The following MED26 variants were observed in gnomAD, a reference collection of about 807,000 sequenced individuals.
MED26 encodes mediator of RNA polymerase II transcription subunit 26.
MED26 carries 7 observed loss-of-function variants against 43.7 expected under a neutral mutation model. The observed-to-expected ratio is 0.16, with a 90% CI of 0.09 to 0.30. The LOEUF (loss-of-function observed/expected upper bound fraction) is 0.30, where lower values mean the gene tolerates loss of function less well. Ranked by LOEUF, MED26 falls within the 10% of genes least tolerant of loss-of-function variation. MED26 has a pLI of 1.00. For missense variants in MED26, 784 were observed against 840.6 expected (o/e 0.93, Z 0.83); for synonymous variants, 375 against 371.1 (o/e 1.01, Z -0.12).
At chr19:16,579,031 G>A (rs2086029423) in intron 1 of MED26, among the ~76,000 whole-genome samples, 1 of 152,158 alleles carries the variant, frequency 6.6e-6, no homozygotes, top group Non-Finnish European at 1.5e-5. Context: ...AACCCGGGAG[G>A]CGGAGGGTGT....
intron 1 of MED26, among the ~76,000 whole-genome samples, chr19:16,612,457 G>A (rs1162062265): frequency 4.0e-5 from 6 of 151,244 alleles, no homozygotes; most frequent in Non-Finnish European, 8.9e-5. Context: ...CCTAATGTTT[G>A]TGATTTCTAC....
chr19:16,590,469 T>C (rs1297132967), intron 1 of MED26, among the ~76,000 whole-genome samples: 1 of 152,234 alleles, frequency 6.6e-6, no homozygotes, highest in African/African-American at 2.4e-5. Flanking sequence ...TACTCCTAGT[T>C]TGCTGAGAGG....
chr19:16,577,133 G>T lies in MED26; in HGVS notation c.697C>A (p.Pro233Thr). ...VNAVRPHTSS[P>T]GLGKPPGPCL... is the part of the protein sequence containing the mutation. ...GGTCCAGGGGGCTTGCCCAGGCCCGGGGAGCTGGTGTGCGGTCGCACGGCG... is the reference window on the plus strand; with the variant it reads ...GGTCCAGGGGGCTTGCCCAGGCCCGTGGAGCTGGTGTGCGGTCGCACGGCG... Residue 233 changes from proline to threonine, a missense_variant, in exon 3 of 3, where the codon CCG becomes ACG. By Grantham distance (38) the Pro-to-Thr change is conservative. Around this residue, in one of 3 missense-constraint regions of MED26, gnomAD observed 719 missense variants for 730.9 expected, o/e 0.98. Transcript: ENST00000263390. The surrounding 1 kb of genome is among the most constrained non-coding windows in gnomAD (Gnocchi z 8.1). 1 of 1,613,282 alleles carries T rather than the reference G, an allele frequency of 6.2e-7. No homozygotes were observed. The highest frequency in any genetic ancestry group is 8.5e-7 in the Non-Finnish European group (1 of 1,179,898).
intron 1 of MED26, among the ~76,000 whole-genome samples, chr19:16,617,310 G>A (rs1017712689): frequency 2.6e-5 from 4 of 152,144 alleles, no homozygotes; most frequent in African/African-American, 9.7e-5. Flanking sequence ...GCAGCAGCCT[G>A]GGGGCACATG....
intron 1 of MED26, among the ~76,000 whole-genome samples, chr19:16,594,257 C>T (rs992251342): frequency 1.3e-5 from 2 of 152,206 alleles, no homozygotes; most frequent in African/African-American, 4.8e-5. Flanking sequence ...GGCCACTTGC[C>T]GCCGAGAGCC....
chr19:16,599,001 G>A (rs2086135786), intron 1 of MED26, among the ~76,000 whole-genome samples: 1 of 152,180 alleles, frequency 6.6e-6, no homozygotes, highest in East Asian at 1.9e-4. Context: ...GAGCTTCCCT[G>A]CCCCTCCCCG....
chr19:16,607,797 T>C (rs1318266809), intron 1 of MED26, among the ~76,000 whole-genome samples: 1 of 152,210 alleles, frequency 6.6e-6, no homozygotes, highest in Non-Finnish European at 1.5e-5. Context: ...AGACAATCCT[T>C]CTTCCAATGT....
chr19:16,609,711 T>C (rs538411597), intron 1 of MED26, among the ~76,000 whole-genome samples: 32 of 152,106 alleles, frequency 2.1e-4, no homozygotes, highest in Non-Finnish European at 4.0e-4. Context: ...ATTTGCATTA[T>C]TGTATTTCAA....
At chr19:16,621,220 G>A (rs771952395) in intron 1 of MED26, among the ~76,000 whole-genome samples, 1 of 152,152 alleles carries the variant, frequency 6.6e-6, no homozygotes, top group Admixed American at 6.5e-5. Context: ...TGGTTCCCTT[G>A]TCTGCAATAC....
At chr19:16,583,236 G>C (rs927467009) in intron 1 of MED26, among the ~76,000 whole-genome samples, 2 of 152,184 alleles carry the variant, frequency 1.3e-5, no homozygotes, top group African/African-American at 4.8e-5. Context: ...ATTCTCCCTT[G>C]GGATTTGTTC....
chr19:16,601,668 G>A (rs1042549039), intron 1 of MED26, among the ~76,000 whole-genome samples: 2 of 152,248 alleles, frequency 1.3e-5, no homozygotes, highest in African/African-American at 4.8e-5. Context: ...CACCTGGAGA[G>A]TAAGCAGGAG....
At chr19:16,593,493 GC>G (rs1452943827) in intron 1 of MED26, among the ~76,000 whole-genome samples, 3 of 152,220 alleles carry the variant, frequency 2.0e-5, no homozygotes, top group Non-Finnish European at 4.4e-5. Flanking sequence ...GTTCACTGTT[GC>G]CTCCTAAGTG....
intron 1 of MED26, among the ~76,000 whole-genome samples, chr19:16,606,888 T>C (rs1411131295): frequency 2.6e-5 from 4 of 152,198 alleles, no homozygotes; most frequent in African/African-American, 9.7e-5. Context: ...GACACGAGAA[T>C]TCATTCAGTC....
At chr19:16,623,967 G>C (rs1375428732) in intron 1 of MED26, among the ~76,000 whole-genome samples, 2 of 152,074 alleles carry the variant, frequency 1.3e-5, no homozygotes, top group Admixed American at 6.6e-5. Context: ...CCTGCAAAAG[G>C]GGAGACTGGC....
At chr19:16,579,004 G>A (rs970573615) in intron 1 of MED26, among the ~76,000 whole-genome samples, 2 of 152,168 alleles carry the variant, frequency 1.3e-5, no homozygotes, top group African/African-American at 4.8e-5. Flanking sequence ...GGGAGGCTGA[G>A]GCACGAGAAC....
intron 1 of MED26, chr19:16,624,641 T>C (rs1248041592): frequency 6.6e-6 from 1 of 152,258 alleles, no homozygotes; most frequent in Non-Finnish European, 1.5e-5. Flanking sequence ...ACTTAACATC[T>C]GTGTTCCTCA....
rs1386383435 is a variant in MED26 at position 16,577,635 on chromosome 19, C to T, written c.195G>A (p.Lys65=). Residue 65 remains lysine (K), a synonymous_variant, in exon 3 of 3, where the codon AAG becomes AAA. Transcript: ENST00000263390. This position sits in a 1 kb window ranked among gnomAD's most constrained non-coding sequence, Gnocchi z 8.1. ...KLINDVRKKT[K]NEELAKRAKK... ...TGGCCCGCTTGGCGAGCTCCTCGTT[C>T]TTGGTTTTCTTGCGGACGTCGTTGA... The T allele has an allele frequency of 6.3e-7, 1 of 1,589,124 alleles. No homozygotes were observed. The highest frequency in any genetic ancestry group is 8.6e-7 in the Non-Finnish European group (1 of 1,164,770).
rs1374202204 is a variant in MED26, at chr19:16,576,610, T to G, written c.1220A>C (p.Asp407Ala). ...YRPRDYTVNL[D>A]GQVAEAGVKP... ...GACGCCCGCCTCAGCCACCTGCCCGTCCAAGTTAACCGTATAGTCTCGAGG... is the reference window on the plus strand; with the variant it reads ...GACGCCCGCCTCAGCCACCTGCCCGGCCAAGTTAACCGTATAGTCTCGAGG... The change falls in exon 3 of 3, where the codon GAC becomes GCC. Residue 407 changes from aspartate to alanine, a missense_variant. By Grantham distance (126) the Asp-to-Ala change is moderately radical. This residue lies in a region of MED26 where 719 missense variants were observed against 730.9 expected (regional missense o/e 0.98). Coordinates refer to ENST00000263390, the MANE Select transcript of MED26 (RefSeq NM_004831.5). This position sits in a 1 kb window ranked among gnomAD's most constrained non-coding sequence, Gnocchi z 6.8. The G allele has an allele frequency of 6.2e-7, 1 of 1,614,080 alleles. No homozygotes were observed. The highest frequency in any genetic ancestry group is 8.5e-7 in the Non-Finnish European group (1 of 1,180,042).
At chr19:16,610,704 T>C (rs1599345002) in intron 1 of MED26, 2 of 152,206 alleles carry the variant, frequency 1.3e-5, no homozygotes, top group Non-Finnish European at 1.5e-5. Context: ...ATAATTTCTA[T>C]GGTAGAAACA....
Sources: gnomAD v4.1 joint callset for allele counts (sites outside exome capture counted in the v4.1 genomes callset) on GRCh38, gnomAD v4.1.1 for gene constraint, gnomAD v4.1.1 regional missense constraint, Gnocchi (gnomAD v3.1) non-coding constraint, MANE v1.5 for transcripts, NCBI Gene and HGNC (gene_info 2026-07-23, HGNC 2026-07-21) for gene names.